DOK6: variants seen among roughly 807,000 people sequenced by gnomAD.
DOK6 encodes downstream of tyrosine kinase 6.
Under a neutral mutation model 44.0 loss-of-function variants are expected in DOK6, and 22 were observed. The ratio of observed to expected loss-of-function variants is 0.50; its 90% CI spans 0.36 to 0.71. The LOEUF (loss-of-function observed/expected upper bound fraction) is 0.71, where lower values mean the gene tolerates loss of function less well. Among genes scored for constraint, DOK6 ranks in the 30% least tolerant of loss-of-function variants. The pLI, the probability that DOK6 is intolerant of heterozygous loss-of-function variation, is 0.00. For missense variants in DOK6, 340 were observed against 416.4 expected, an observed-to-expected ratio of 0.82 and a Z score of 1.60; for synonymous variants, 166 against 145.5, an observed-to-expected ratio of 1.14 and a Z score of -1.01.
chr18:69,807,392 A>G (rs1323042462), intron 7 of DOK6, among the ~76,000 whole-genome samples: 2 of 152,010 alleles, frequency 1.3e-5, no homozygotes, highest in Non-Finnish European at 2.9e-5. Context: ...CAAATGATCT[A>G]CAAAACAACC....
chr18:69,647,803 C>T (rs541683438), intron 3 of DOK6, among the ~76,000 whole-genome samples: 1 of 152,226 alleles, frequency 6.6e-6, no homozygotes, highest in Admixed American at 6.5e-5. Flanking sequence ...AACTCCATGT[C>T]ATCAGGATGG....
chr18:69,647,576 G>A (rs548211295), intron 3 of DOK6: 9 of 152,258 alleles, frequency 5.9e-5, no homozygotes, highest in African/African-American at 2.2e-4. Flanking sequence ...GAGGGATCAG[G>A]CCTTGGGTTG....
rs151263906 is a variant in DOK6 at position 69,748,196 on chromosome 18, A to G, written c.738+9093A>G. Reference sequence around the variant, plus strand: ...GTCAATTTAACAAGAAGAGCTAACTATTCTAAATATGTACGCACCCAATAC... The same window carrying G: ...GTCAATTTAACAAGAAGAGCTAACTGTTCTAAATATGTACGCACCCAATAC... On this transcript the variant is annotated intron_variant, in intron 6 of 7. Transcript: ENST00000382713. Among the ~76,000 whole-genome samples, 219 of 152,332 alleles carry G rather than the reference A, an allele frequency of 1.4e-3. 1 individual carries two copies. Among genetic ancestry groups the G allele is most frequent in the African/African-American group, 5.0e-3 (207 of 41,582 alleles).
intron 1 of DOK6, among the ~76,000 whole-genome samples, chr18:69,435,029 A>AGGAAGGAAGGAC (rs1298054822): frequency 0.24 from 10,647 of 43,778 alleles, 1,236 homozygotes; most frequent in South Asian, 0.3. Flanking sequence ...GAGGGAGGGA[A>AGGAAGGAAGGAC]GGAAGGAAGG....
At chr18:69,736,307 C>A (rs960005280) in intron 5 of DOK6, among the ~76,000 whole-genome samples, 1 of 117,192 alleles carries the variant, frequency 8.5e-6, no homozygotes, top group Non-Finnish European at 2.1e-5. Context: ...CCCTATATCA[C>A]AATGTTGAAA....
chr18:69,522,363 C>T (rs1981711806), intron 1 of DOK6, among the ~76,000 whole-genome samples: 1 of 151,956 alleles, frequency 6.6e-6, no homozygotes, highest in Admixed American at 6.6e-5. Flanking sequence ...AAGACTTCAA[C>T]TAGAACCAAA....
chr18:69,527,979 T>C (rs145239745), intron 1 of DOK6, among the ~76,000 whole-genome samples: 4,263 of 152,056 alleles, frequency 0.028, 69 homozygotes, highest in Middle Eastern at 0.041. Flanking sequence ...TTGGCTAACA[T>C]GGTGAAACCC....
chr18:69,730,835 G>A (rs1485227330), intron 5 of DOK6, among the ~76,000 whole-genome samples: 1 of 152,090 alleles, frequency 6.6e-6, no homozygotes, highest in Non-Finnish European at 1.5e-5. Flanking sequence ...GGCAGGATGT[G>A]ATGGCTAACA....
At chr18:69,494,143 T>A (rs1360803909) in intron 1 of DOK6, among the ~76,000 whole-genome samples, 1 of 152,250 alleles carries the variant, frequency 6.6e-6, no homozygotes, top group Non-Finnish European at 1.5e-5. Context: ...TTAGTGCTTC[T>A]TTCTTAACTG....
At chr18:69,609,244 A>C (rs558654747) in intron 3 of DOK6, among the ~76,000 whole-genome samples, 2 of 152,270 alleles carry the variant, frequency 1.3e-5, no homozygotes, top group South Asian at 2.1e-4. Context: ...AATACTTGCA[A>C]ACTATCTACC....
intron 4 of DOK6, among the ~76,000 whole-genome samples, chr18:69,695,906 AG>A (rs554469381): frequency 5.6e-4 from 86 of 152,348 alleles, no homozygotes; most frequent in African/African-American, 2.0e-3. Context: ...TGGGTAAAAA[AG>A]TATGTGAGGA....
At chr18:69,655,724 G>A (rs1265935107) in intron 3 of DOK6, among the ~76,000 whole-genome samples, 1 of 128,680 alleles carries the variant, frequency 7.8e-6, no homozygotes, top group Non-Finnish European at 1.5e-5. Flanking sequence ...CTGCACTCCA[G>A]CCTGGGTGAC....
At chr18:69,636,693 G>A (rs934038175) in intron 3 of DOK6, among the ~76,000 whole-genome samples, 1 of 152,146 alleles carries the variant, frequency 6.6e-6, no homozygotes, top group Admixed American at 6.6e-5. Flanking sequence ...TCTGCTAGCT[G>A]CTCTTCTTGC....
chr18:69,819,144 T>C (rs1400091589), intron 7 of DOK6, among the ~76,000 whole-genome samples: 1 of 152,150 alleles, frequency 6.6e-6, no homozygotes, highest in South Asian at 2.1e-4. Flanking sequence ...AGTAAACTCT[T>C]TTTCTATTGT....
intron 1 of DOK6, among the ~76,000 whole-genome samples, chr18:69,444,025 C>T (rs1321330090): frequency 1.3e-5 from 2 of 151,864 alleles, no homozygotes; most frequent in African/African-American, 4.8e-5. Context: ...CAGATATATG[C>T]ATGTGTGTAT....
At chr18:69,789,281 T>A (rs1220971874) in intron 7 of DOK6, among the ~76,000 whole-genome samples, 4 of 152,154 alleles carry the variant, frequency 2.6e-5, no homozygotes, top group Non-Finnish European at 1.5e-5. Flanking sequence ...GCATATAAAA[T>A]CTGGCTTTAT....
chr18:69,752,083 G>A (rs1235059100), intron 6 of DOK6, among the ~76,000 whole-genome samples: 1 of 151,760 alleles, frequency 6.6e-6, no homozygotes, highest in Non-Finnish European at 1.5e-5. Flanking sequence ...AACAGCAGGT[G>A]GAAATTAATT....
chr18:69,439,292 A>G (rs12455799), intron 1 of DOK6, among the ~76,000 whole-genome samples: 30,428 of 152,036 alleles, frequency 0.2, 3,352 homozygotes, highest in South Asian at 0.31. Context: ...TAGATTTAGC[A>G]TAATCTTTAA....
At chr18:69,835,944 AC>A (rs1247162601) in intron 7 of DOK6, among the ~76,000 whole-genome samples, 1 of 152,210 alleles carries the variant, frequency 6.6e-6, no homozygotes, top group Admixed American at 6.5e-5. Context: ...TTCTACAAAA[AC>A]AATTTCCTTC....
Sources: allele counts gnomAD v4.1 joint callset (sites outside exome capture counted in the v4.1 genomes callset), GRCh38; gene constraint gnomAD v4.1.1; transcripts MANE v1.5; gene names NCBI Gene and HGNC (gene_info 2026-07-23, HGNC 2026-07-21).